The following ACOX2 variants were observed in gnomAD, a reference collection of about 807,000 sequenced individuals.
ACOX2 encodes peroxisomal acyl-coenzyme A oxidase 2.
ACOX2 carries 59 observed loss-of-function variants against 77.5 expected under a neutral mutation model. The observed-to-expected ratio is 0.76, with a 90% CI of 0.62 to 0.95. ACOX2 has a LOEUF of 0.95. Among genes scored for constraint, ACOX2 ranks in the 40% least tolerant of loss-of-function variants. ACOX2 has a pLI of 0.00. For missense variants in ACOX2, 837 were observed against 880.4 expected, an observed-to-expected ratio of 0.95 and a Z score of 0.62; for synonymous variants, 317 against 340.1, an observed-to-expected ratio of 0.93 and a Z score of 0.75.
chr3:58,536,405 T>A (rs2063481508), intron 1 of ACOX2, among the ~76,000 whole-genome samples: 1 of 152,146 alleles, frequency 6.6e-6, no homozygotes, highest in Admixed American at 6.5e-5. Flanking sequence ...GTTATTACCA[T>A]TTTATGGAGA....
intron 1 of ACOX2, among the ~76,000 whole-genome samples, chr3:58,536,766 C>T (rs892944914): frequency 6.6e-6 from 1 of 152,164 alleles, no homozygotes; most frequent in African/African-American, 2.4e-5. Flanking sequence ...CTTAAAGAGG[C>T]CACCCTCTTT....
intron 8 of ACOX2, among the ~76,000 whole-genome samples, chr3:58,530,203 C>T (rs1027660524): frequency 6.6e-6 from 1 of 152,250 alleles, no homozygotes; most frequent in African/African-American, 2.4e-5. Flanking sequence ...AAGACACTAT[C>T]ACATAGAGCC....
chr3:58,522,536 G>C lies in ACOX2; in HGVS notation c.1592C>G (p.Ala531Gly). 6.2e-7 allele frequency: 1 copy of C among 1,614,192 alleles called. No individual in the cohort carries two copies. Among genetic ancestry groups the C allele is most frequent in the Non-Finnish European group, 8.5e-7 (1 of 1,180,020 alleles). The change falls in exon 12 of 15, where the codon GCT (alanine) becomes GGT (glycine). Residue 531 changes from alanine (A) to glycine (G), a missense_variant. By Grantham distance (60) the Ala-to-Gly change is moderately conservative. Coordinates refer to ENST00000302819, the MANE Select transcript of ACOX2 (RefSeq NM_003500.4). The surrounding 1 kb of genome is among the most constrained non-coding windows in gnomAD (Gnocchi z 4.3). ...GTGTATGACAGTGGTCTGGTTCCAA[G>C]CCTCGTGCTGGTCAGCTCCGGATTG... ...LTQSGADQHE[A>G]WNQTTVIHLQ...
Position 58,528,768 on chromosome 3 carries a change from C to T in ACOX2, c.1155+26G>A, listed in dbSNP as rs1358450956. 2 of 1,583,972 alleles carry T rather than the reference C, an allele frequency of 1.3e-6. No individual in the cohort carries two copies. Among genetic ancestry groups the T allele is most frequent in the Non-Finnish European group, 1.7e-6 (2 of 1,164,548 alleles). On this transcript the variant is annotated intron_variant, in intron 9 of 14. Coordinates refer to ENST00000302819, the MANE Select transcript of ACOX2 (RefSeq NM_003500.4). The surrounding 1 kb of genome is among the most constrained non-coding windows in gnomAD (Gnocchi z 5.6). Reference sequence around the variant, plus strand: ...TCTTAGCTCCCAGCGCCTGCCAGCGCCTGCCCCTCCGCAGACAGCAGGTAC... The same window carrying T: ...TCTTAGCTCCCAGCGCCTGCCAGCGTCTGCCCCTCCGCAGACAGCAGGTAC...
chr3:58,526,888 C>T lies in ACOX2; in HGVS notation c.1156-232G>A. On this transcript the variant is annotated intron_variant, in intron 9 of 14. Coordinates refer to ENST00000302819, the MANE Select transcript of ACOX2 (RefSeq NM_003500.4). This position sits in a 1 kb window ranked among gnomAD's most constrained non-coding sequence, Gnocchi z 4.3. ...TAGGGGCATAAGAGTGAAGGAAAACCTGGCCTGGCCAGTGTCTCCAGGATT... is the reference window on the plus strand; with the variant it reads ...TAGGGGCATAAGAGTGAAGGAAAACTTGGCCTGGCCAGTGTCTCCAGGATT... 2.1e-6 allele frequency: 1 copy of T among 483,924 alleles called. No homozygotes were observed. Among genetic ancestry groups the T allele is most frequent in the South Asian group, 3.1e-5 (1 of 32,660 alleles). The allele number at this position is 483,924 out of a possible 1,614,324, so 30.0% of individuals were successfully genotyped here. A position where few individuals can be genotyped will look rare whatever the true frequency, so the allele number is the denominator to read the frequency against.
Position 58,534,239 on chromosome 3 carries a change from T to C in ACOX2, c.324-94A>G, listed in dbSNP as rs750847801. ...CAGAGTACAGGAGATAAAGGGCACC[T>C]AGCATCCTGGTTTCCCAACAAGTCT... On this transcript the variant is annotated intron_variant, in intron 3 of 14. Transcript: ENST00000302819. The surrounding 1 kb of genome is among the most constrained non-coding windows in gnomAD (Gnocchi z 4.8). 42 of 1,577,572 alleles carry C rather than the reference T, an allele frequency of 2.7e-5. No homozygotes were observed. Among genetic ancestry groups the C allele is most frequent in the Non-Finnish European group, 3.4e-5 (40 of 1,164,228 alleles).
chr3:58,511,366 C>T (rs536886814), intron 13 of ACOX2: 8 of 346,210 alleles, frequency 2.3e-5, no homozygotes, highest in African/African-American at 1.5e-4. Context: ...GGATGCTACT[C>T]TGGACGCAAA....
At chr3:58,532,778 G>A (rs896268664) in intron 5 of ACOX2, among the ~76,000 whole-genome samples, 1 of 152,212 alleles carries the variant, frequency 6.6e-6, no homozygotes, top group African/African-American at 2.4e-5. Flanking sequence ...GTTGGGCTCA[G>A]CATATTTGTT....
intron 14 of ACOX2, among the ~76,000 whole-genome samples, chr3:58,507,474 C>T (rs2107982984): frequency 1.3e-5 from 2 of 152,326 alleles, no homozygotes; most frequent in East Asian, 3.9e-4. Flanking sequence ...AAGAAAGCCC[C>T]CTCCATTCTC....
chr3:58,528,767 G>T lies in ACOX2; in HGVS notation c.1155+27C>A. 1.3e-6 allele frequency: 2 copies of T among 1,582,086 alleles called. No homozygotes were observed. Among genetic ancestry groups the T allele is most frequent in the Non-Finnish European group, 1.7e-6 (2 of 1,163,426 alleles). On this transcript the variant is annotated intron_variant, in intron 9 of 14. Transcript: ENST00000302819. This position sits in a 1 kb window ranked among gnomAD's most constrained non-coding sequence, Gnocchi z 5.6. ...ATCTTAGCTCCCAGCGCCTGCCAGCGCCTGCCCCTCCGCAGACAGCAGGTA... is the reference window on the plus strand; with the variant it reads ...ATCTTAGCTCCCAGCGCCTGCCAGCTCCTGCCCCTCCGCAGACAGCAGGTA...
In ACOX2 at chr3:58,534,957, G is replaced by A. The variant is rs2063470402; in HGVS notation, c.150C>T (p.Arg50=). ...LDGGAQNTAL[R]RKVESIIHSY... Reference sequence around the variant, plus strand: ...CCAGCTTCCCCTTACCAACTTTCCTGCGGAGTGCAGTGTTCTGGGCACCTC... The same window carrying A: ...CCAGCTTCCCCTTACCAACTTTCCTACGGAGTGCAGTGTTCTGGGCACCTC... Residue 50 remains arginine, a synonymous_variant, in exon 2 of 15, where the codon CGC becomes CGT. Transcript: ENST00000302819. This position sits in a 1 kb window ranked among gnomAD's most constrained non-coding sequence, Gnocchi z 4.8. The A allele has an allele frequency of 6.2e-6, 10 of 1,614,180 alleles. No homozygotes were observed. The highest frequency in any genetic ancestry group is 8.5e-6 in the Non-Finnish European group (10 of 1,180,006).
Position 58,526,394 on chromosome 3 carries a change from A to G in ACOX2, c.1346+72T>C, listed in dbSNP as rs532263457. On this transcript the variant is annotated intron_variant, in intron 10 of 14. Transcript: ENST00000302819. This position sits in a 1 kb window ranked among gnomAD's most constrained non-coding sequence, Gnocchi z 4.3. ...GCTCTTTTTATGGGCCTCAGACGGAACCCTCCACCCAACAGAAGCTTGGTG... is the reference window on the plus strand; with the variant it reads ...GCTCTTTTTATGGGCCTCAGACGGAGCCCTCCACCCAACAGAAGCTTGGTG... The G allele has an allele frequency of 1.3e-6, 2 of 1,486,214 alleles. No individual in the cohort carries two copies. The highest frequency in any genetic ancestry group is 1.8e-6 in the Non-Finnish European group (2 of 1,109,248). The allele number at this position is 1,486,214 out of a possible 1,614,324, so 92.1% of individuals were successfully genotyped here.
chr3:58,518,096 A>AAAAAG (rs1560213408), intron 12 of ACOX2, among the ~76,000 whole-genome samples: 4 of 151,254 alleles, frequency 2.6e-5, no homozygotes, highest in South Asian at 2.1e-4. Context: ...AAAAAAAAAA[A>AAAAAG]AAAAGAAAAG....
At chr3:58,511,722 CAG>C (rs1227893601) in intron 13 of ACOX2, 1 of 152,292 alleles carries the variant, frequency 6.6e-6, no homozygotes, top group African/African-American at 2.4e-5. Flanking sequence ...AGTATACAAA[CAG>C]ACAATCATTT....
rs1385037693 is a variant in ACOX2 at position 58,535,786 on chromosome 3, A to T, written c.-91-589T>A. 3.3e-5 allele frequency among the ~76,000 whole-genome samples: 5 copies of T among 152,118 alleles called. No homozygotes were observed. Among genetic ancestry groups the T allele is most frequent in the Non-Finnish European group, 1.5e-5 (1 of 68,016 alleles). ...GAGCCCCTGAGTGTCTTTCATACCC[A>T]GGTTGGACCCTGTCTCCTTCATGGC... On this transcript the variant is annotated intron_variant, in intron 1 of 14. Coordinates refer to ENST00000302819, the MANE Select transcript of ACOX2 (RefSeq NM_003500.4). The surrounding 1 kb of genome is among the most constrained non-coding windows in gnomAD (Gnocchi z 4.8).
intron 13 of ACOX2, among the ~76,000 whole-genome samples, chr3:58,513,675 T>C (rs1468214434): frequency 6.6e-6 from 1 of 152,164 alleles, no homozygotes; most frequent in Non-Finnish European, 1.5e-5. Context: ...GATTCTCTTA[T>C]GTCCTCTGAA....
At position 58,523,355 on chromosome 3, in the gene ACOX2, G is replaced by A. The variant is rs1467441552; in HGVS notation, c.1527-754C>T. On this transcript the variant is annotated intron_variant, in intron 11 of 14. Transcript: ENST00000302819. This position sits in a 1 kb window ranked among gnomAD's most constrained non-coding sequence, Gnocchi z 5.3. ...CCTCCTCAAATCTCCCAATTGAAAT[G>A]TTAGCTCTATGAGTTTGGGGTGTTT... Among the ~76,000 whole-genome samples the A allele has an allele frequency of 3.9e-5, 6 of 152,174 alleles. No homozygotes were observed. The highest frequency in any genetic ancestry group is 1.4e-4 in the African/African-American group (6 of 41,426).
chr3:58,532,526 C>T (rs1298190429), intron 5 of ACOX2, among the ~76,000 whole-genome samples: 8 of 152,240 alleles, frequency 5.3e-5, no homozygotes, highest in African/African-American at 1.9e-4. Flanking sequence ...GGTGGGACTA[C>T]AGATGCCCGC....
chr3:58,518,335 T>G (rs988779995), intron 12 of ACOX2, among the ~76,000 whole-genome samples: 1 of 152,224 alleles, frequency 6.6e-6, no homozygotes, highest in African/African-American at 2.4e-5. Flanking sequence ...AACTGTCCAC[T>G]GCCATCAACC....
Sources: gnomAD v4.1 joint callset for allele counts (sites outside exome capture counted in the v4.1 genomes callset) on GRCh38, gnomAD v4.1.1 for gene constraint, Gnocchi (gnomAD v3.1) non-coding constraint, MANE v1.5 for transcripts, NCBI Gene and HGNC (gene_info 2026-07-23, HGNC 2026-07-21) for gene names.